PAPPA2: variants seen among roughly 807,000 people sequenced by gnomAD.
The protein encoded by PAPPA2 is pappalysin-2.
PAPPA2 carries 86 observed loss-of-function variants against 176.4 expected under a neutral mutation model. The ratio of observed to expected loss-of-function variants is 0.49; its 90% CI spans 0.41 to 0.58. The LOEUF (loss-of-function observed/expected upper bound fraction) is 0.58, where lower values mean the gene tolerates loss of function less well. PAPPA2 is among the 20% of genes least tolerant of loss of function. The pLI, the probability that PAPPA2 is intolerant of heterozygous loss-of-function variation, is 0.00. For missense variants in PAPPA2, 2,073 were observed against 2,256.9 expected (o/e 0.92, Z 1.65); for synonymous variants, 809 against 852.2 (o/e 0.95, Z 0.88).
chr1:176,587,141 T>G lies in PAPPA2; in HGVS notation c.920-7383T>G, dbSNP rs184278121. Reference sequence around the variant, plus strand: ...CCACTTTTTGATGGGTTGTTTGTTTTTTTTTTCTTGTAAATATGCTTAAGC... The same window carrying G: ...CCACTTTTTGATGGGTTGTTTGTTTGTTTTTTCTTGTAAATATGCTTAAGC... On this transcript the variant is annotated intron_variant, in intron 2 of 22. Transcript: ENST00000367662. 2.6e-4 allele frequency among the ~76,000 whole-genome samples: 40 copies of G among 152,256 alleles called. No individual in the cohort carries two copies. The East Asian group carries it at 7.7e-3, about 29-fold the overall frequency.
chr1:176,630,627 A>G (rs533084574), intron 3 of PAPPA2, among the ~76,000 whole-genome samples: 7 of 152,194 alleles, frequency 4.6e-5, no homozygotes, highest in Non-Finnish European at 8.8e-5. Flanking sequence ...TCATTAAACT[A>G]AAAGAAAGCA....
At chr1:176,657,825 A>G (rs1439425586) in intron 3 of PAPPA2, among the ~76,000 whole-genome samples, 1 of 151,984 alleles carries the variant, frequency 6.6e-6, no homozygotes, top group Non-Finnish European at 1.5e-5. Flanking sequence ...TGATAGCTAA[A>G]GCTATGGGGG....
intron 21 of PAPPA2, among the ~76,000 whole-genome samples, chr1:176,815,181 A>G (rs561562513): frequency 4.9e-4 from 75 of 152,298 alleles, no homozygotes; most frequent in African/African-American, 1.8e-3. Flanking sequence ...GGAAAGGGCA[A>G]CACTCCTAAG....
chr1:176,816,381 A>G (rs1571369497), intron 21 of PAPPA2, among the ~76,000 whole-genome samples: 1 of 17,224 alleles, frequency 5.8e-5, no homozygotes, highest in East Asian at 3.3e-3. Context: ...CATCACGCAC[A>G]CACACACACA....
chr1:176,508,139 T>C (rs566936841), intron 1 of PAPPA2, among the ~76,000 whole-genome samples: 2 of 152,276 alleles, frequency 1.3e-5, no homozygotes, highest in East Asian at 3.9e-4. Flanking sequence ...CTTCCAGTAA[T>C]GTAATTGTTT....
At chr1:176,759,403 ATTG>A (rs1394528693) in intron 14 of PAPPA2, among the ~76,000 whole-genome samples, 5 of 152,172 alleles carry the variant, frequency 3.3e-5, no homozygotes, top group African/African-American at 9.7e-5. Flanking sequence ...TTCCTCTAAA[ATTG>A]TTGTTAAATG....
At chr1:176,711,718 T>A (rs1317522705) in intron 11 of PAPPA2, 117 bp from the exon 12 acceptor site, 3 of 1,156,906 alleles carry the variant, frequency 2.6e-6, no homozygotes, top group Non-Finnish European at 3.7e-6. Context: ...GCCAATAATG[T>A]GATCATTAGG....
chr1:176,733,679 T>A (rs574124103), intron 12 of PAPPA2, among the ~76,000 whole-genome samples: 1 of 152,242 alleles, frequency 6.6e-6, no homozygotes, highest in African/African-American at 2.4e-5. Context: ...CCTGAAAGAA[T>A]CATCTCCAGC....
intron 3 of PAPPA2, among the ~76,000 whole-genome samples, chr1:176,629,133 A>G (rs1656201136): frequency 6.6e-6 from 1 of 152,206 alleles, no homozygotes; most frequent in South Asian, 2.1e-4. Context: ...CTTTTTGAGT[A>G]GGTGGATATA....
intron 3 of PAPPA2, among the ~76,000 whole-genome samples, chr1:176,645,921 G>T (rs183405463): frequency 6.6e-6 from 1 of 151,394 alleles, no homozygotes; most frequent in Non-Finnish European, 1.5e-5. Context: ...TTTTTTGCCC[G>T]ATTTTAAATC....
Position 176,565,554 on chromosome 1 carries a change from G to T in PAPPA2, c.919+8313G>T, listed in dbSNP as rs992295800. 2.6e-5 allele frequency among the ~76,000 whole-genome samples: 4 copies of T among 152,298 alleles called. No homozygotes were observed. The South Asian group carries it at 6.2e-4, about 24-fold the overall frequency. ...TACAAAACATACAAAAATTAGCCGGGTGTAGTGGCATGCACCTGCGGTCCC... is the reference window on the plus strand; with the variant it reads ...TACAAAACATACAAAAATTAGCCGGTTGTAGTGGCATGCACCTGCGGTCCC... On this transcript the variant is annotated intron_variant, in intron 2 of 22. Transcript: ENST00000367662.
intron 3 of PAPPA2, among the ~76,000 whole-genome samples, chr1:176,642,647 T>A (rs1003137236): frequency 2.6e-5 from 4 of 151,928 alleles, no homozygotes; most frequent in African/African-American, 9.7e-5. Context: ...CAAGAGATAA[T>A]GAGCCCATGA....
intron 3 of PAPPA2, among the ~76,000 whole-genome samples, chr1:176,629,355 T>C (rs1436429690): frequency 2.0e-5 from 3 of 152,214 alleles, no homozygotes; most frequent in Non-Finnish European, 4.4e-5. Flanking sequence ...ACAGTGATGA[T>C]GGAAAATTTG....
chr1:176,556,172 T>TG lies in PAPPA2; in HGVS notation c.-147dup. On this transcript the variant is annotated 5_prime_UTR_variant, in exon 2 of 23. The change abolishes the stop of an existing upstream ORF in the 5' untranslated region. Transcript: ENST00000367662. ...CACAGGTAGCCAGCAGAGGCATTCT[T>TG]GGGGCTATTTGAAAAAGTTTGGTCT... The TG allele has an allele frequency of 1.1e-6, 1 of 906,166 alleles. No individual in the cohort carries two copies. The highest frequency in any genetic ancestry group is 1.7e-5 in the South Asian group (1 of 59,680). The allele number at this position is 906,166 out of a possible 1,614,324, so 56.1% of individuals were successfully genotyped here. A position where few individuals can be genotyped will look rare whatever the true frequency, so the allele number is the denominator to read the frequency against.
At chr1:176,841,843 A>G (rs1490197145) in intron 22 of PAPPA2, among the ~76,000 whole-genome samples, 1 of 152,142 alleles carries the variant, frequency 6.6e-6, no homozygotes, top group Non-Finnish European at 1.5e-5. Flanking sequence ...TTGTTCCAAG[A>G]GCACTGAGGA....
At chr1:176,506,290 T>C (rs1648260325) in intron 1 of PAPPA2, among the ~76,000 whole-genome samples, 1 of 152,160 alleles carries the variant, frequency 6.6e-6, no homozygotes, top group Non-Finnish European at 1.5e-5. Context: ...GTGTGATGCT[T>C]CTGGCTCTGT....
chr1:176,771,302 C>A, intron 17 of PAPPA2, 122 bp downstream of exon 17: 1 of 908,560 alleles, frequency 1.1e-6, no homozygotes, highest in Non-Finnish European at 1.7e-6. Flanking sequence ...GGCAGGCAAC[C>A]TGCTGTGCTT....
intron 20 of PAPPA2, 48 bp from the exon 21 acceptor site, chr1:176,800,013 A>G: frequency 6.2e-7 from 1 of 1,605,194 alleles, no homozygotes; most frequent in Non-Finnish European, 8.5e-7. Flanking sequence ...CTCACACACA[A>G]CAAATGTCTT....
chr1:176,537,378 C>G (rs1650121741), intron 1 of PAPPA2: 1 of 152,202 alleles, frequency 6.6e-6, no homozygotes, highest in African/African-American at 2.4e-5. Context: ...CTATGCTGTA[C>G]CATCTTGCAA....
Sources: gnomAD v4.1 joint callset for allele counts (sites outside exome capture counted in the v4.1 genomes callset) on GRCh38, gnomAD v4.1.1 for gene constraint, MANE v1.5 for transcripts, NCBI Gene and HGNC (gene_info 2026-07-23, HGNC 2026-07-21) for gene names.